Variants in ARHGAP31 observed in about 807,000 individuals in gnomAD.
The protein encoded by ARHGAP31 is Rho GTPase activating protein 31, also known as rho GTPase-activating protein 31.
ARHGAP31 carries 34 observed loss-of-function variants against 113.9 expected under a neutral mutation model. The observed-to-expected ratio is 0.30, with a 90% CI of 0.23 to 0.40. ARHGAP31 has a LOEUF of 0.40. Among genes scored for constraint, ARHGAP31 ranks in the 10% least tolerant of loss-of-function variants. ARHGAP31 has a pLI of 1.00. For missense variants in ARHGAP31, 1,548 were observed against 1,767.1 expected (o/e 0.88, Z 2.22); for synonymous variants, 650 against 684.8 (o/e 0.95, Z 0.79).
intron 6 of ARHGAP31, among the ~76,000 whole-genome samples, chr3:119,389,094 G>A (rs1316964848): frequency 6.6e-6 from 1 of 152,142 alleles, no homozygotes; most frequent in Non-Finnish European, 1.5e-5. Flanking sequence ...CCAGGAGTCG[G>A]AGGTTGCAGT....
chr3:119,297,242 C>G (rs1357101036), intron 1 of ARHGAP31, among the ~76,000 whole-genome samples: 1 of 152,156 alleles, frequency 6.6e-6, no homozygotes, highest in East Asian at 1.9e-4. Flanking sequence ...AAAGTCAGTG[C>G]TAATGGTTTT....
chr3:119,355,016 C>T (rs891321853), intron 1 of ARHGAP31, among the ~76,000 whole-genome samples: 19 of 152,182 alleles, frequency 1.2e-4, no homozygotes, highest in African/African-American at 4.6e-4. Context: ...CCACTCTCCT[C>T]AAATCACACC....
At chr3:119,394,904 A>G (rs930220918) in intron 8 of ARHGAP31, among the ~76,000 whole-genome samples, 1 of 152,250 alleles carries the variant, frequency 6.6e-6, no homozygotes, top group African/African-American at 2.4e-5. Flanking sequence ...ATAGTATGCT[A>G]ATGGTTCTTA....
chr3:119,365,289 A>G (rs774643942), intron 1 of ARHGAP31, 27 bp from the exon 2 acceptor site: 1 of 1,585,032 alleles, frequency 6.3e-7, no homozygotes, highest in Non-Finnish European at 8.7e-7. Context: ...CTAATACTTA[A>G]TTGTTTTTTT....
At chr3:119,378,133 T>G (rs1221484914) in intron 3 of ARHGAP31, among the ~76,000 whole-genome samples, 1 of 152,114 alleles carries the variant, frequency 6.6e-6, no homozygotes, top group Admixed American at 6.5e-5. Flanking sequence ...CTTTTAAGAT[T>G]TAACCATTAG....
chr3:119,403,379 T>A (rs2080630670), intron 10 of ARHGAP31, among the ~76,000 whole-genome samples: 1 of 152,172 alleles, frequency 6.6e-6, no homozygotes, highest in African/African-American at 2.4e-5. Context: ...AGGATTTTAA[T>A]CCAGACTTTA....
chr3:119,318,522 C>A (rs2079754102), intron 1 of ARHGAP31, among the ~76,000 whole-genome samples: 1 of 152,100 alleles, frequency 6.6e-6, no homozygotes, highest in Admixed American at 6.5e-5. Flanking sequence ...TTTTCTTAAA[C>A]CTTACCTTAG....
intron 9 of ARHGAP31, among the ~76,000 whole-genome samples, chr3:119,400,891 C>G (rs1052298476): frequency 7.2e-5 from 11 of 152,196 alleles, no homozygotes; most frequent in African/African-American, 2.7e-4. Context: ...AGAACTTGGT[C>G]TGGGCATAGT....
At chr3:119,333,644 A>G (rs1012017519) in intron 1 of ARHGAP31, among the ~76,000 whole-genome samples, 1 of 152,150 alleles carries the variant, frequency 6.6e-6, no homozygotes, top group Admixed American at 6.5e-5. Flanking sequence ...CCCAACACTT[A>G]TTACCTCCAT....
At chr3:119,335,463 A>ATCTC in intron 1 of ARHGAP31, among the ~76,000 whole-genome samples, 1 of 152,196 alleles carries the variant, frequency 6.6e-6, no homozygotes, top group South Asian at 2.1e-4. Context: ...CAAAGTGGAG[A>ATCTC]CACTTTGAGG....
intron 9 of ARHGAP31, among the ~76,000 whole-genome samples, chr3:119,401,255 T>C (rs2080603652): frequency 6.6e-6 from 1 of 152,058 alleles, no homozygotes; most frequent in Admixed American, 6.5e-5. Context: ...ATCCTCTGAA[T>C]CAACAGGAAG....
intron 1 of ARHGAP31, among the ~76,000 whole-genome samples, chr3:119,363,366 C>A (rs2080226807): frequency 6.6e-6 from 1 of 152,178 alleles, no homozygotes; most frequent in South Asian, 2.1e-4. Context: ...GGCAGAGGCT[C>A]TGGACCCCTG....
intron 1 of ARHGAP31, among the ~76,000 whole-genome samples, chr3:119,297,407 G>A (rs1354590255): frequency 6.6e-6 from 1 of 152,260 alleles, no homozygotes; most frequent in Non-Finnish European, 1.5e-5. Flanking sequence ...AGGGTGACAA[G>A]TCAGTGTGGT....
In ARHGAP31 at chr3:119,414,408, A is replaced by G. The variant is rs746663829; in HGVS notation, c.2479A>G (p.Ser827Gly). 6 of 1,614,240 alleles carry G rather than the reference A, an allele frequency of 3.7e-6. No individual in the cohort carries two copies. Among genetic ancestry groups the G allele is most frequent in the Non-Finnish European group, 5.1e-6 (6 of 1,180,030 alleles). Residue 827 changes from serine (S) to glycine (G), a missense_variant, in exon 12 of 12, where the codon AGC (serine) becomes GGC (glycine). Transcript: ENST00000264245. ...CATAGACCAGCTGAAGTCCCAAGAC[A>G]GCCCTGAGATCTCTAGCCTCTGTCA... ...LYIDQLKSQD[S>G]PEISSLCQGE...
At chr3:119,309,504 C>T (rs746319885) in intron 1 of ARHGAP31, among the ~76,000 whole-genome samples, 24 of 152,026 alleles carry the variant, frequency 1.6e-4, no homozygotes, top group Non-Finnish European at 2.8e-4. Context: ...CCTGTAATTC[C>T]AGCACTTTGG....
At chr3:119,384,149 A>G (rs894741356) in intron 6 of ARHGAP31, among the ~76,000 whole-genome samples, 3 of 152,244 alleles carry the variant, frequency 2.0e-5, no homozygotes, top group Non-Finnish European at 1.5e-5. Flanking sequence ...AATATTTTGG[A>G]AAAAACAGAT....
At chr3:119,405,485 G>A (rs1431674481) in intron 10 of ARHGAP31, among the ~76,000 whole-genome samples, 1 of 152,150 alleles carries the variant, frequency 6.6e-6, no homozygotes, top group Non-Finnish European at 1.5e-5. Context: ...AAGAAGCCAA[G>A]CAGCTTCCAC....
At chr3:119,390,730 A>G in intron 6 of ARHGAP31, 55 bp from the exon 7 acceptor site, 1 of 1,557,570 alleles carries the variant, frequency 6.4e-7, no homozygotes, top group East Asian at 2.2e-5. Context: ...GGGAATCTGG[A>G]TGGATGTGAT....
chr3:119,420,330 A>G lies in ARHGAP31; in HGVS notation c.*4066A>G, dbSNP rs1278589217. ...CAGGAAGGTCAGCTCAAAATGTGGCATGACAAAGAATATGTGCTCTACTAC... is the reference window on the plus strand; with the variant it reads ...CAGGAAGGTCAGCTCAAAATGTGGCGTGACAAAGAATATGTGCTCTACTAC... On this transcript the variant is annotated 3_prime_UTR_variant, in exon 12 of 12. Coordinates refer to ENST00000264245, the MANE Select transcript of ARHGAP31 (RefSeq NM_020754.4). 6.6e-6 allele frequency: 1 copy of G among 152,244 alleles called. No homozygotes were observed. Among genetic ancestry groups the G allele is most frequent in the African/African-American group, 2.4e-5 (1 of 41,458 alleles). The allele number at this position is 152,244 out of a possible 1,614,324, so 9.4% of individuals were successfully genotyped here.
Sources: gnomAD v4.1 joint callset for allele counts (sites outside exome capture counted in the v4.1 genomes callset) on GRCh38, gnomAD v4.1.1 for gene constraint, MANE v1.5 for transcripts, NCBI Gene and HGNC (gene_info 2026-07-23, HGNC 2026-07-21) for gene names.